The following CFAP61 variants were observed in gnomAD, a reference collection of about 807,000 sequenced individuals.
CFAP61 encodes the protein cilia and flagella associated protein 61.
In CFAP61, 107 loss-of-function variants were observed where a neutral mutation model predicts 135.6. That is an observed-to-expected ratio of 0.79 (90% CI 0.67 to 0.93). The LOEUF (loss-of-function observed/expected upper bound fraction) is 0.93, where lower values mean the gene tolerates loss of function less well. Among genes scored for constraint, CFAP61 ranks in the 40% least tolerant of loss-of-function variants. The pLI, the probability that CFAP61 is intolerant of heterozygous loss-of-function variation, is 0.00. For missense variants in CFAP61, 1,507 were observed against 1,556.2 expected (o/e 0.97, Z 0.53); for synonymous variants, 575 against 578.5 (o/e 0.99, Z 0.09).
chr20:20,243,251 G>C (rs571464828), intron 18 of CFAP61, among the ~76,000 whole-genome samples: 1 of 152,154 alleles, frequency 6.6e-6, no homozygotes, highest in Admixed American at 6.5e-5. Context: ...GGAAAGACCT[G>C]CTCCCATGAT....
chr20:20,208,616 C>A (rs1601408391), intron 17 of CFAP61, among the ~76,000 whole-genome samples: 1 of 152,282 alleles, frequency 6.6e-6, no homozygotes, highest in Non-Finnish European at 1.5e-5. Context: ...AGTTGAATTT[C>A]TAGTCTTTCT....
At chr20:20,097,998 C>G (rs796452410) in intron 7 of CFAP61, among the ~76,000 whole-genome samples, 11 of 152,236 alleles carry the variant, frequency 7.2e-5, no homozygotes, top group African/African-American at 2.6e-4. Context: ...ACAGGAGCGC[C>G]AGGCTTATGG....
Position 20,235,623 on chromosome 20 carries a change from A to C in CFAP61, c.2060+7247A>C, listed in dbSNP as rs1601551084. Among the ~76,000 whole-genome samples the C allele has an allele frequency of 6.6e-5, 10 of 152,244 alleles. No individual in the cohort carries two copies. The South Asian group carries it at 2.1e-3, about 32-fold the overall frequency. The stretch of plus-strand genomic sequence containing the variant: ...CCCTTTCCCACTTCCTCAGCTCTGC[A>C]CCTGCCAGCCACTTTATTTCCTCCC... On this transcript the variant is annotated intron_variant, in intron 18 of 26. Transcript: ENST00000245957.
At chr20:20,064,392 G>A (rs541904703) in intron 2 of CFAP61, among the ~76,000 whole-genome samples, 4 of 151,990 alleles carry the variant, frequency 2.6e-5, no homozygotes, top group African/African-American at 9.7e-5. Context: ...AGCCTTTTAC[G>A]GCTTCTTTTC....
intron 18 of CFAP61, among the ~76,000 whole-genome samples, chr20:20,229,076 A>G (rs1463290551): frequency 2.0e-5 from 3 of 152,180 alleles, no homozygotes; most frequent in Non-Finnish European, 4.4e-5. Flanking sequence ...AGGCCTGTGC[A>G]TCTCTTCTGA....
chr20:20,093,278 A>G (rs1317522694), intron 7 of CFAP61, among the ~76,000 whole-genome samples: 1 of 152,134 alleles, frequency 6.6e-6, no homozygotes, highest in Non-Finnish European at 1.5e-5. Context: ...GTAGAGACAG[A>G]AGGTAGATTA....
chr20:20,140,402 T>C (rs2051291382), intron 8 of CFAP61, among the ~76,000 whole-genome samples: 1 of 136,912 alleles, frequency 7.3e-6, no homozygotes, highest in Non-Finnish European at 1.6e-5. Flanking sequence ...GTCCATGTGT[T>C]CTCATTGTTC....
chr20:20,128,108 C>T (rs1364451342), intron 8 of CFAP61, among the ~76,000 whole-genome samples: 1 of 151,738 alleles, frequency 6.6e-6, no homozygotes. Flanking sequence ...AGGCTGCCCA[C>T]CTCCCAGCTG....
At chr20:20,225,043 T>C (rs74173356) in intron 17 of CFAP61, among the ~76,000 whole-genome samples, 1 of 152,194 alleles carries the variant, frequency 6.6e-6, no homozygotes, top group African/African-American at 2.4e-5. Flanking sequence ...CATAGGATCT[T>C]GCATGTCTGT....
At chr20:20,175,360 TG>T (rs2054530488) in intron 13 of CFAP61, among the ~76,000 whole-genome samples, 2 of 152,240 alleles carry the variant, frequency 1.3e-5, no homozygotes, top group Admixed American at 1.3e-4. Context: ...GCTGAGACTT[TG>T]CTAAAATACA....
intron 12 of CFAP61, among the ~76,000 whole-genome samples, chr20:20,166,741 C>CTGTTG (rs1555892205): frequency 4.7e-4 from 71 of 151,968 alleles, no homozygotes; most frequent in Middle Eastern, 3.4e-3. Flanking sequence ...GTGAATGACA[C>CTGTTG]TGTTATTTTA....
At chr20:20,144,456 G>T (rs1261503607) in intron 9 of CFAP61, among the ~76,000 whole-genome samples, 1 of 152,084 alleles carries the variant, frequency 6.6e-6, no homozygotes, top group East Asian at 1.9e-4. Flanking sequence ...TTAACTCCAG[G>T]TTAGGCATTG....
intron 2 of CFAP61, among the ~76,000 whole-genome samples, chr20:20,068,184 C>G (rs1382540872): frequency 6.6e-6 from 1 of 152,198 alleles, no homozygotes; most frequent in Non-Finnish European, 1.5e-5. Flanking sequence ...ATGGTGGCTG[C>G]GCTGTCCCAA....
At chr20:20,122,999 A>T (rs1399418726) in intron 8 of CFAP61, among the ~76,000 whole-genome samples, 1 of 151,306 alleles carries the variant, frequency 6.6e-6, no homozygotes, top group Non-Finnish European at 1.5e-5. Context: ...TGTGGTTTTG[A>T]TTTGCATTTC....
intron 25 of CFAP61, among the ~76,000 whole-genome samples, chr20:20,319,807 G>A (rs1231761255): frequency 6.6e-6 from 1 of 152,164 alleles, no homozygotes; most frequent in Non-Finnish European, 1.5e-5. Flanking sequence ...AGTATGACTA[G>A]AATATCATCA....
At chr20:20,231,694 T>C (rs759786026) in intron 18 of CFAP61, among the ~76,000 whole-genome samples, 53 of 152,138 alleles carry the variant, frequency 3.5e-4, no homozygotes, top group Admixed American at 3.9e-4. Context: ...CGCAGGAGCA[T>C]GCGTGTTTGT....
At chr20:20,126,397 T>C (rs2050067694) in intron 8 of CFAP61, among the ~76,000 whole-genome samples, 2 of 151,920 alleles carry the variant, frequency 1.3e-5, no homozygotes, top group South Asian at 4.1e-4. Flanking sequence ...GCAGATCTTA[T>C]AGTGGAGGCT....
At chr20:20,138,024 C>T (rs1285633450) in intron 8 of CFAP61, among the ~76,000 whole-genome samples, 1 of 152,064 alleles carries the variant, frequency 6.6e-6, no homozygotes, top group East Asian at 1.9e-4. Context: ...CCTTCCAGTC[C>T]AGGGTGTGTC....
intron 10 of CFAP61, 106 bp from the exon 11 acceptor site, chr20:20,163,944 A>G (rs1601092103): frequency 1.1e-6 from 1 of 879,360 alleles, no homozygotes; most frequent in Non-Finnish European, 1.7e-6. Context: ...TGACAGTCAC[A>G]CCTGTCCTCA....
Sources: gnomAD v4.1 joint callset for allele counts (sites outside exome capture counted in the v4.1 genomes callset) on GRCh38, gnomAD v4.1.1 for gene constraint, MANE v1.5 for transcripts, NCBI Gene and HGNC (gene_info 2026-07-23, HGNC 2026-07-21) for gene names.